Variants in PPP1R12B observed in about 807,000 individuals in gnomAD.
PPP1R12B encodes the protein protein phosphatase 1 regulatory subunit 12B, also known as myosin phosphatase target subunit 2.
In PPP1R12B, 76 loss-of-function variants were observed where a neutral mutation model predicts 126.1. That is an observed-to-expected ratio of 0.60 (90% CI 0.50 to 0.73). The LOEUF (loss-of-function observed/expected upper bound fraction) is 0.73. PPP1R12B is among the 30% of genes least tolerant of loss of function. The pLI, the probability that PPP1R12B is intolerant of heterozygous loss-of-function variation, is 0.00. For synonymous variants in PPP1R12B, 356 were observed against 434.7 expected (o/e 0.82, Z 2.25); for missense variants, 1,052 against 1,205.1 (o/e 0.87, Z 1.88).
At chr1:202,464,129 A>C (rs1412109846) in intron 13 of PPP1R12B, among the ~76,000 whole-genome samples, 1 of 152,138 alleles carries the variant, frequency 6.6e-6, no homozygotes, top group East Asian at 1.9e-4. Flanking sequence ...CCAGGCTAAA[A>C]CTAGTATTCT....
At chr1:202,577,865 C>T (rs971724048) in intron 23 of PPP1R12B, among the ~76,000 whole-genome samples, 3 of 152,186 alleles carry the variant, frequency 2.0e-5, no homozygotes, top group Non-Finnish European at 2.9e-5. Context: ...GTATCTTTAA[C>T]ACCAAATTGT....
intron 13 of PPP1R12B, among the ~76,000 whole-genome samples, chr1:202,481,886 C>T (rs1478409750): frequency 2.6e-5 from 4 of 152,140 alleles, no homozygotes. Flanking sequence ...TCTCTCACCT[C>T]TTCCCTCCCC....
chr1:202,440,412 T>C (rs560439430), intron 10 of PPP1R12B, among the ~76,000 whole-genome samples: 93 of 152,342 alleles, frequency 6.1e-4, no homozygotes, highest in African/African-American at 2.1e-3. Flanking sequence ...TCAAAGGCTT[T>C]CCTCCTCTCT....
At chr1:202,568,655 A>G (rs1321054651) in intron 22 of PPP1R12B, among the ~76,000 whole-genome samples, 1 of 152,114 alleles carries the variant, frequency 6.6e-6, no homozygotes, top group Non-Finnish European at 1.5e-5. Context: ...CTACAGGGGG[A>G]GGGAAGAAAC....
intron 21 of PPP1R12B, chr1:202,567,516 T>G: frequency 2.1e-6 from 1 of 467,958 alleles, no homozygotes. Context: ...AGATTGTGTG[T>G]TGTAAGTAAT....
chr1:202,450,564 A>G (rs1027153760), intron 13 of PPP1R12B, among the ~76,000 whole-genome samples: 37 of 152,230 alleles, frequency 2.4e-4, no homozygotes, highest in African/African-American at 8.9e-4. Context: ...TTGACTTCAT[A>G]TTATTTTGAA....
At chr1:202,519,643 A>G (rs1682553944) in intron 18 of PPP1R12B, among the ~76,000 whole-genome samples, 1 of 151,924 alleles carries the variant, frequency 6.6e-6, no homozygotes, top group Non-Finnish European at 1.5e-5. Context: ...TTCTTTTCTC[A>G]TTGTCTTCCC....
At chr1:202,407,197 A>C (rs1020697926) in intron 1 of PPP1R12B, among the ~76,000 whole-genome samples, 1 of 152,224 alleles carries the variant, frequency 6.6e-6, no homozygotes, top group Admixed American at 6.5e-5. Flanking sequence ...GAATAAAAGC[A>C]TGGGGAATAG....
intron 18 of PPP1R12B, among the ~76,000 whole-genome samples, chr1:202,523,304 T>C (rs1682968011): frequency 6.6e-6 from 1 of 152,080 alleles, no homozygotes. Context: ...TAGACACTGA[T>C]GCAATTTGGA....
Position 202,562,848 on chromosome 1 carries a change from C to G in PPP1R12B, c.2578C>G (p.Arg860Gly), listed in dbSNP as rs770769838. Residue 860 changes from arginine to glycine, a missense_variant, in exon 20 of 24, where the codon CGG becomes GGG. Physicochemically the swap from Arg to Gly is moderately radical, Grantham distance 125 (BLOSUM62 -2). Transcript: ENST00000608999. Reference protein sequence around the residue: ...YGDRASARARREAREARLATL... With the variant: ...YGDRASARARGEAREARLATL... The stretch of plus-strand genomic sequence containing the variant: ...TGACCGGGCTTCAGCAAGAGCCCGT[C>G]GGGAGGCCCGGGAGGCCCGCCTAGC... 3.1e-6 allele frequency: 5 copies of G among 1,612,672 alleles called. No homozygotes were observed. In the African/African-American group the frequency reaches 6.7e-5, roughly 22 times the overall value.
At chr1:202,488,069 T>C (rs1200438752) in intron 13 of PPP1R12B, among the ~76,000 whole-genome samples, 1 of 152,144 alleles carries the variant, frequency 6.6e-6, no homozygotes, top group Non-Finnish European at 1.5e-5. Context: ...AATAGAACAG[T>C]TATAACAAAA....
intron 1 of PPP1R12B, among the ~76,000 whole-genome samples, chr1:202,412,822 T>C (rs1039789126): frequency 5.9e-5 from 9 of 152,106 alleles, no homozygotes; most frequent in African/African-American, 1.9e-4. Context: ...AAAAGAAAAA[T>C]AAATAAAATA....
At chr1:202,476,389 A>G (rs987047473) in intron 13 of PPP1R12B, among the ~76,000 whole-genome samples, 15 of 151,388 alleles carry the variant, frequency 9.9e-5, no homozygotes, top group African/African-American at 3.4e-4. Context: ...ATATAAATAT[A>G]GTAAATTTCT....
At chr1:202,393,517 C>CAA (rs1664464215) in intron 1 of PPP1R12B, among the ~76,000 whole-genome samples, 2 of 151,298 alleles carry the variant, frequency 1.3e-5, no homozygotes, top group South Asian at 4.2e-4. Context: ...GTGCACTTAA[C>CAA]TGTCTTGTAA....
intron 17 of PPP1R12B, among the ~76,000 whole-genome samples, chr1:202,495,883 A>G (rs1679495155): frequency 6.6e-6 from 1 of 152,244 alleles, no homozygotes; most frequent in African/African-American, 2.4e-5. Context: ...TATCTAGTAC[A>G]GTGCTAAGCA....
At chr1:202,501,825 A>G in intron 18 of PPP1R12B, 1 of 980,582 alleles carries the variant, frequency 1.0e-6, no homozygotes, top group Non-Finnish European at 1.2e-6. Context: ...ATCCTTTTCT[A>G]TTCCTTATTC....
chr1:202,481,168 C>G (rs1053321166), intron 13 of PPP1R12B, among the ~76,000 whole-genome samples: 1 of 152,180 alleles, frequency 6.6e-6, no homozygotes, highest in Admixed American at 6.5e-5. Context: ...CATCAATGCT[C>G]ACTTGCTCAC....
chr1:202,539,963 G>A (rs1684939437), intron 18 of PPP1R12B: 10 of 1,065,706 alleles, frequency 9.4e-6, no homozygotes, highest in Non-Finnish European at 1.2e-5. Context: ...ACTGGGGACT[G>A]GTTCAGAGCT....
chr1:202,364,394 C>T (rs1658758466), intron 1 of PPP1R12B, among the ~76,000 whole-genome samples: 1 of 151,894 alleles, frequency 6.6e-6, no homozygotes, highest in Non-Finnish European at 1.5e-5. Flanking sequence ...ATTGGTTTTA[C>T]ATTTGACTTA....
Sources: gnomAD v4.1 joint callset for allele counts (sites outside exome capture counted in the v4.1 genomes callset) on GRCh38, gnomAD v4.1.1 for gene constraint, MANE v1.5 for transcripts, NCBI Gene and HGNC (gene_info 2026-07-23, HGNC 2026-07-21) for gene names.